The following RGPD2 variants were observed in gnomAD, a reference collection of about 807,000 sequenced individuals.
RGPD2 encodes the protein RANBP2 like and GRIP domain containing 2.
Under a neutral mutation model 36.0 loss-of-function variants are expected in RGPD2, and 2 were observed. The observed-to-expected ratio is 0.06, with a 90% confidence interval of 0.02 to 0.17. The LOEUF is 0.17. Among genes scored for constraint, RGPD2 ranks in the 10% least tolerant of loss-of-function variants. RGPD2 has a pLI of 1.00. For missense variants in RGPD2, 40 were observed against 464.3 expected, an observed-to-expected ratio of 0.09 and a Z score of 8.40; for synonymous variants, 19 against 163.8, an observed-to-expected ratio of 0.12 and a Z score of 6.75.
upstream of RGPD2, chr2:87,825,915 G>C: frequency 5.5e-6 from 4 of 733,588 alleles, no homozygotes; most frequent in Non-Finnish European, 8.3e-6. Context: ...GCACTCGGCC[G>C]GGCTCTTGGC....
chr2:87,876,109 A>G, the RGPD2 span, among the ~76,000 whole-genome samples: 1 of 151,284 alleles, frequency 6.6e-6, no homozygotes, highest in East Asian at 1.9e-4. Context: ...TTTCTTCTGT[A>G]TTAATCTAGC....
chr2:87,948,476 G>A, the RGPD2 span, among the ~76,000 whole-genome samples: 3 of 151,114 alleles, frequency 2.0e-5, no homozygotes, highest in African/African-American at 7.3e-5. Flanking sequence ...CCGCCTCCTG[G>A]GTTCAAATTA....
At chr2:87,937,104 G>A in the RGPD2 span, among the ~76,000 whole-genome samples, 2 of 151,848 alleles carry the variant, frequency 1.3e-5, no homozygotes, top group African/African-American at 4.8e-5. Context: ...TGTAATGAGT[G>A]CTAAACTAGA....
At chr2:87,839,988 AT>A in the RGPD2 span, among the ~76,000 whole-genome samples, 1 of 151,452 alleles carries the variant, frequency 6.6e-6, no homozygotes, top group South Asian at 2.1e-4. Context: ...TAACTGACCA[AT>A]GAAGAAATAA....
At chr2:87,830,587 C>CTGTA (rs1672470484), upstream of RGPD2, among the ~76,000 whole-genome samples, 1 of 152,154 alleles carries the variant, frequency 6.6e-6, no homozygotes, top group African/African-American at 2.4e-5. Context: ...TACCAATTGA[C>CTGTA]TGTATTAGCT....
At chr2:87,948,196 T>C in the RGPD2 span, among the ~76,000 whole-genome samples, 1 of 152,158 alleles carries the variant, frequency 6.6e-6, no homozygotes, top group South Asian at 2.1e-4. Context: ...TTCATTTCTC[T>C]ACAGCTCATT....
chr2:87,885,478 A>G, the RGPD2 span, among the ~76,000 whole-genome samples: 1 of 151,920 alleles, frequency 6.6e-6, no homozygotes, highest in Non-Finnish European at 1.5e-5. Context: ...TCTGTTAAAT[A>G]TAGTACTGGA....
At chr2:87,846,567 T>G in the RGPD2 span, among the ~76,000 whole-genome samples, 1 of 152,104 alleles carries the variant, frequency 6.6e-6, no homozygotes, top group Non-Finnish European at 1.5e-5. Flanking sequence ...TTTTTTGAAT[T>G]AAATATTCTG....
At chr2:87,766,590 AT>A (rs1348882033) in intron 22 of RGPD2, among the ~76,000 whole-genome samples, 1 of 149,846 alleles carries the variant, frequency 6.7e-6, no homozygotes, top group Non-Finnish European at 1.5e-5. Flanking sequence ...CATTTTCAAA[AT>A]TTTACATGGG....
At chr2:87,910,660 C>A in the RGPD2 span, among the ~76,000 whole-genome samples, 1 of 151,842 alleles carries the variant, frequency 6.6e-6, no homozygotes, top group Non-Finnish European at 1.5e-5. Context: ...TATTTTAAAA[C>A]CCCAACAAAA....
At position 87,760,821 on chromosome 2, in the gene RGPD2, G is replaced by A. The variant is rs1294801940; in HGVS notation, c.5237-3395C>T. ...TTTAGTAGAGACAGGGTTTCACCGT[G>A]TTAGCCAGGATGGTCTCGATCTCCT... is the stretch of plus-strand genomic sequence containing the variant. On this transcript the variant is annotated intron_variant, in intron 22 of 22. Coordinates refer to ENST00000398146, the MANE Select transcript of RGPD2 (RefSeq NM_001078170.3). 2.3e-5 allele frequency among the ~76,000 whole-genome samples: 3 copies of A among 131,810 alleles called. No homozygotes were observed. The East Asian group carries it at 6.8e-4, about 30-fold the overall frequency. The allele number at this position is 131,810 out of a possible 152,430, so 86.5% of individuals were successfully genotyped here. A position where few individuals can be genotyped will look rare whatever the true frequency, so the allele number is the denominator to read the frequency against.
At chr2:87,933,686 TTC>T in the RGPD2 span, among the ~76,000 whole-genome samples, 1 of 149,556 alleles carries the variant, frequency 6.7e-6, no homozygotes, top group Non-Finnish European at 1.5e-5. Context: ...AGTTCTGAGT[TTC>T]TTTCCTCCAC....
At chr2:87,798,760 G>T (rs1217757882) in intron 8 of RGPD2, among the ~76,000 whole-genome samples, 11 of 127,872 alleles carry the variant, frequency 8.6e-5, no homozygotes, top group East Asian at 4.5e-4. Context: ...CCCAGCTACT[G>T]GGGAGGCTGA....
chr2:87,852,453 T>G, the RGPD2 span, among the ~76,000 whole-genome samples: 5 of 151,962 alleles, frequency 3.3e-5, no homozygotes. Flanking sequence ...GCATTCTCAT[T>G]AGAAAGCCCA....
the RGPD2 span, among the ~76,000 whole-genome samples, chr2:87,937,087 AAC>A: frequency 6.6e-6 from 1 of 151,878 alleles, no homozygotes; most frequent in African/African-American, 2.4e-5. Flanking sequence ...ATATAATTAA[AAC>A]ACAATGTAAT....
chr2:87,849,348 A>T, the RGPD2 span, among the ~76,000 whole-genome samples: 2 of 151,892 alleles, frequency 1.3e-5, no homozygotes, highest in Admixed American at 6.6e-5. Context: ...GATTGCTATG[A>T]TTCTTATACT....
At chr2:87,921,146 A>C in the RGPD2 span, among the ~76,000 whole-genome samples, 2 of 151,266 alleles carry the variant, frequency 1.3e-5, no homozygotes, top group Non-Finnish European at 2.9e-5. Context: ...ACTGATCAAC[A>C]TAACAAAGCT....
At chr2:87,944,987 C>T in the RGPD2 span, among the ~76,000 whole-genome samples, 399 of 150,720 alleles carry the variant, frequency 2.6e-3, 2 homozygotes, top group African/African-American at 9.4e-3. Flanking sequence ...GTAAAATATA[C>T]GTAACACAAA....
chr2:87,845,658 C>A, the RGPD2 span, among the ~76,000 whole-genome samples: 1 of 150,970 alleles, frequency 6.6e-6, no homozygotes, highest in Admixed American at 6.6e-5. Flanking sequence ...AAATATAAAT[C>A]TTAGTTATTT....
Sources: gnomAD v4.1 joint callset for allele counts (sites outside exome capture counted in the v4.1 genomes callset) on GRCh38, gnomAD v4.1.1 for gene constraint, MANE v1.5 for transcripts, NCBI Gene and HGNC (gene_info 2026-07-23, HGNC 2026-07-21) for gene names.